The following ARNT2 variants were observed in gnomAD, a reference collection of about 807,000 sequenced individuals.
ARNT2 encodes the protein ARNT protein 2.
Under a neutral mutation model 91.7 loss-of-function variants are expected in ARNT2, and 36 were observed. The observed-to-expected ratio is 0.39, with a 90% CI of 0.30 to 0.52. ARNT2 has a LOEUF of 0.52. ARNT2 is among the 20% of genes least tolerant of loss of function. The probability of loss-of-function intolerance (pLI) is 0.72; values close to 1 mark genes in which losing one functional copy is unlikely to be tolerated. For synonymous variants in ARNT2, 365 were observed against 347.1 expected (o/e 1.05, Z -0.57); for missense variants, 775 against 939.3 (o/e 0.83, Z 2.29).
chr15:80,582,601 C>A (rs1207595496), intron 17 of ARNT2, among the ~76,000 whole-genome samples: 1 of 152,178 alleles, frequency 6.6e-6, no homozygotes, highest in African/African-American at 2.4e-5. Context: ...AGCAGCACGT[C>A]CGTCCCACTC....
intron 5 of ARNT2, among the ~76,000 whole-genome samples, chr15:80,506,381 GCAAGAAT>G (rs139081900): frequency 0.017 from 2,660 of 152,340 alleles, 83 homozygotes; most frequent in African/African-American, 0.06. Flanking sequence ...GAAGCAAGAA[GCAAGAAT>G]CAAGGTGGCA....
At chr15:80,442,808 G>A in intron 1 of ARNT2, 1 of 978,870 alleles carries the variant, frequency 1.0e-6, no homozygotes, top group South Asian at 4.7e-5. Context: ...TTTTTCTTCT[G>A]TCTCTAAAAT....
At chr15:80,513,487 G>A (rs1405260748) in intron 6 of ARNT2, among the ~76,000 whole-genome samples, 1 of 152,140 alleles carries the variant, frequency 6.6e-6, no homozygotes, top group Non-Finnish European at 1.5e-5. Flanking sequence ...TCATTAACTG[G>A]CAACATCTGT....
chr15:80,551,813 T>C (rs1321974105), intron 9 of ARNT2, among the ~76,000 whole-genome samples: 3 of 152,186 alleles, frequency 2.0e-5, no homozygotes, highest in African/African-American at 4.8e-5. Context: ...AATGTCTCCC[T>C]GATCTTAGTC....
intron 1 of ARNT2, among the ~76,000 whole-genome samples, chr15:80,435,728 C>T (rs116045398): frequency 8.3e-4 from 126 of 152,274 alleles, no homozygotes; most frequent in African/African-American, 2.9e-3. Flanking sequence ...GGCCGTGGAT[C>T]ACTTGGCACT....
chr15:80,422,909 CG>C, intron 1 of ARNT2, among the ~76,000 whole-genome samples: 1 of 152,166 alleles, frequency 6.6e-6, no homozygotes, highest in African/African-American at 2.4e-5. Flanking sequence ...TCACTTTTTG[CG>C]TAAGTGTGTT....
Position 80,475,453 on chromosome 15 carries a change from C to T in ARNT2, c.622+230C>T, listed in dbSNP as rs189427170. The T allele has an allele frequency of 2.2e-3, 877 of 405,434 alleles. 4 individuals carry two copies. The highest frequency in any genetic ancestry group is 0.016 in the African/African-American group (763 of 48,556). The allele number at this position is 405,434 out of a possible 1,614,324, so 25.1% of individuals were successfully genotyped here. A position where few individuals can be genotyped will look rare whatever the true frequency, so the allele number is the denominator to read the frequency against. On this transcript the variant is annotated intron_variant, in intron 5 of 18. Transcript: ENST00000303329. ...TGGGCGCCTGTGGTCCCAGCTACTC[C>T]GGAGGCTGAGGTGGGAGAATGGCAT... is the stretch of plus-strand genomic sequence containing the variant.
At chr15:80,438,846 C>A (rs550544393) in intron 1 of ARNT2, among the ~76,000 whole-genome samples, 22 of 152,298 alleles carry the variant, frequency 1.4e-4, no homozygotes, top group African/African-American at 5.3e-4. Flanking sequence ...CACGCCACCA[C>A]GCCTGGCTAA....
intron 1 of ARNT2, among the ~76,000 whole-genome samples, chr15:80,425,180 A>C (rs1003409573): frequency 6.6e-6 from 1 of 152,236 alleles, no homozygotes; most frequent in African/African-American, 2.4e-5. Context: ...AGAGACTCAA[A>C]CATATCTCCG....
At chr15:80,439,129 T>C (rs1313029120) in intron 1 of ARNT2, among the ~76,000 whole-genome samples, 6 of 152,180 alleles carry the variant, frequency 3.9e-5, no homozygotes, top group Non-Finnish European at 5.9e-5. Context: ...TTATACACCA[T>C]CTGACTGGGA....
intron 5 of ARNT2, among the ~76,000 whole-genome samples, chr15:80,497,816 C>T (rs1475755631): frequency 6.6e-6 from 1 of 152,174 alleles, no homozygotes; most frequent in African/African-American, 2.4e-5. Context: ...TATATTCTTC[C>T]TGAGGAAAAC....
chr15:80,457,659 G>A (rs1896499604), intron 2 of ARNT2, among the ~76,000 whole-genome samples: 1 of 152,194 alleles, frequency 6.6e-6, no homozygotes, highest in Non-Finnish European at 1.5e-5. Context: ...GAAGGGAATG[G>A]CATATAGAGT....
chr15:80,417,433 C>T (rs1294985717), intron 1 of ARNT2, among the ~76,000 whole-genome samples: 1 of 152,142 alleles, frequency 6.6e-6, no homozygotes, highest in Non-Finnish European at 1.5e-5. Context: ...ACTTAAAAAC[C>T]AAATTCGGGA....
chr15:80,589,602 C>T, intron 17 of ARNT2, among the ~76,000 whole-genome samples: 1 of 152,232 alleles, frequency 6.6e-6, no homozygotes, highest in Non-Finnish European at 1.5e-5. Context: ...CATGGACCCA[C>T]TGAAGGCCCC....
intron 5 of ARNT2, among the ~76,000 whole-genome samples, chr15:80,475,861 C>A (rs1896795532): frequency 6.6e-6 from 1 of 152,108 alleles, no homozygotes; most frequent in African/African-American, 2.4e-5. Flanking sequence ...ATTACCCAGG[C>A]CTTAGTTACC....
intron 8 of ARNT2, among the ~76,000 whole-genome samples, chr15:80,540,179 G>A (rs1382010796): frequency 6.6e-6 from 1 of 152,162 alleles, no homozygotes; most frequent in African/African-American, 2.4e-5. Context: ...ACCTAAGAAT[G>A]GAATTGCTGA....
chr15:80,413,924 T>TA (rs1293096933), intron 1 of ARNT2, among the ~76,000 whole-genome samples: 1 of 152,114 alleles, frequency 6.6e-6, no homozygotes, highest in Non-Finnish European at 1.5e-5. Context: ...TAACAGCAGT[T>TA]AAAAAAGCCA....
At position 80,508,590 on chromosome 15, in the gene ARNT2, A is replaced by T. The variant is rs1254398532; in HGVS notation, c.725+332A>T. 2.0e-5 allele frequency among the ~76,000 whole-genome samples: 3 copies of T among 152,186 alleles called. No individual in the cohort carries two copies. In the East Asian group the frequency reaches 5.8e-4, roughly 29 times the overall value. On this transcript the variant is annotated intron_variant, in intron 6 of 18. Transcript: ENST00000303329. ...CCTCTCCAAGATTCTGTAGTTCTCAACATGTTTTATATTAAGATGCCTGAT... is the reference window on the plus strand; with the variant it reads ...CCTCTCCAAGATTCTGTAGTTCTCATCATGTTTTATATTAAGATGCCTGAT...
intron 1 of ARNT2, among the ~76,000 whole-genome samples, chr15:80,416,797 G>A (rs1020816844): frequency 5.3e-5 from 8 of 152,140 alleles, no homozygotes; most frequent in African/African-American, 1.7e-4. Context: ...TACCCCAAAA[G>A]TGCAGTTGTA....
Sources: gnomAD v4.1 joint callset for allele counts (sites outside exome capture counted in the v4.1 genomes callset) on GRCh38, gnomAD v4.1.1 for gene constraint, MANE v1.5 for transcripts, NCBI Gene and HGNC (gene_info 2026-07-23, HGNC 2026-07-21) for gene names.